The following RP2 variants were observed in gnomAD, a reference collection of about 807,000 sequenced individuals.
The protein encoded by RP2 is protein XRP2.
In RP2, 3 loss-of-function variants were observed where a neutral mutation model predicts 20.3. The observed-to-expected ratio is 0.15, with a 90% CI of 0.07 to 0.38. The LOEUF is 0.38. Among genes scored for constraint, RP2 ranks in the 10% least tolerant of loss-of-function variants. The pLI, the probability that RP2 is intolerant of heterozygous loss-of-function variation, is 1.00. For synonymous variants in RP2, 75 were observed against 94.8 expected (o/e 0.79, Z 1.22); for missense variants, 233 against 268.5 (o/e 0.87, Z 0.92).
intron 3 of RP2, among the ~76,000 whole-genome samples, chrX:46,876,522 A>T (rs1276016769): frequency 8.9e-6 from 1 of 111,761 alleles, no homozygotes; most frequent in Admixed American, 9.6e-5. Flanking sequence ...TTAATATATA[A>T]GGGATTTGAG....
rs191307889 is a variant in RP2 at position 46,865,860 on chromosome X, G to A, written c.883+5758G>A. ...GGAGAATCACTTGAACCTGGGAGGC[G>A]GAGATTGCAGTGAGCCAAGATTGCC... On this transcript the variant is annotated intron_variant, in intron 3 of 4. Coordinates refer to ENST00000218340, the MANE Select transcript of RP2 (RefSeq NM_006915.3). 4.7e-3 allele frequency among the ~76,000 whole-genome samples: 512 copies of A among 110,007 alleles called. 2 individuals carry two copies. Among genetic ancestry groups the A allele is most frequent in the Middle Eastern group, 0.033 (7 of 214 alleles).
intron 1 of RP2, among the ~76,000 whole-genome samples, chrX:46,849,284 A>G (rs1446639738): frequency 9.1e-6 from 1 of 109,481 alleles, no homozygotes; most frequent in Non-Finnish European, 1.9e-5. Flanking sequence ...TTGAACTCCC[A>G]GGCACAAGCA....
rs782770512 is a variant in RP2, at chrX:46,873,114, G to T, written c.884-4391G>T. Among the ~76,000 whole-genome samples, 6 of 111,530 alleles carry T rather than the reference G, an allele frequency of 5.4e-5. No individual in the cohort carries two copies. In the South Asian group the frequency reaches 2.3e-3, roughly 42 times the overall value. On this transcript the variant is annotated intron_variant, in intron 3 of 4. Coordinates refer to ENST00000218340, the MANE Select transcript of RP2 (RefSeq NM_006915.3). ...CTTTATAGGCAGTTTTAGAGCAGAGGAATGTCATGGTCCTTTTAAAGTGTA... is the reference window on the plus strand; with the variant it reads ...CTTTATAGGCAGTTTTAGAGCAGAGTAATGTCATGGTCCTTTTAAAGTGTA...
At chrX:46,844,686 A>C (rs2147077531) in intron 1 of RP2, among the ~76,000 whole-genome samples, 1 of 111,614 alleles carries the variant, frequency 9.0e-6, no homozygotes, top group South Asian at 3.8e-4. Flanking sequence ...TCCTTTGGGT[A>C]TATACCCAGT....
chrX:46,843,152 C>T (rs1454507573), intron 1 of RP2, among the ~76,000 whole-genome samples: 8 of 109,661 alleles, frequency 7.3e-5, no homozygotes, highest in Non-Finnish European at 1.1e-4. Context: ...AGATTACAGG[C>T]GCCCGCCGCC....
At chrX:46,847,767 T>TAC (rs781898428) in intron 1 of RP2, among the ~76,000 whole-genome samples, 2 of 68,515 alleles carry the variant, frequency 2.9e-5, no homozygotes, top group Non-Finnish European at 5.1e-5. Flanking sequence ...TATACACACA[T>TAC]GTGTGTGTGT....
rs140586570 is a variant in RP2, at chrX:46,849,161, C to T, written c.103-4315C>T. On this transcript the variant is annotated intron_variant, in intron 1 of 4. Transcript: ENST00000218340. ...TCAGAACTAGTAACCTGCAAAATTA[C>T]GAAGGATTTCAGTTTCAGTTGTTTA... Among the ~76,000 whole-genome samples, 67 of 110,586 alleles carry T rather than the reference C, an allele frequency of 6.1e-4. No homozygotes were observed. In the East Asian group the frequency reaches 0.016, roughly 27 times the overall value.
intron 3 of RP2, among the ~76,000 whole-genome samples, chrX:46,873,808 T>C (rs1410785858): frequency 1.8e-5 from 2 of 111,158 alleles, no homozygotes; most frequent in Non-Finnish European, 3.8e-5. Context: ...GAGCCTCACC[T>C]GGCTGCTATA....
chrX:46,879,646 T>C (rs782496927), intron 4 of RP2, 40 bp from the exon 5 acceptor site: 1 of 934,509 alleles, frequency 1.1e-6, no homozygotes, highest in African/African-American at 2.0e-5. Flanking sequence ...TCTGAAGTAC[T>C]TGGTACTGAT....
intron 1 of RP2, among the ~76,000 whole-genome samples, chrX:46,846,679 G>A (rs1924720388): frequency 9.0e-6 from 1 of 111,719 alleles, no homozygotes; most frequent in South Asian, 3.7e-4. Context: ...CAGTATATGA[G>A]AGATACAGTT....
chrX:46,858,886 G>A (rs1258415003), intron 2 of RP2, among the ~76,000 whole-genome samples: 4 of 111,631 alleles, frequency 3.6e-5, no homozygotes, highest in African/African-American at 1.3e-4. Flanking sequence ...ATACATAATT[G>A]TACCATACCT....
chrX:46,855,032 C>G lies in RP2; in HGVS notation c.768+891C>G, dbSNP rs781897541. Among the ~76,000 whole-genome samples the G allele has an allele frequency of 5.4e-5, 6 of 111,754 alleles. No individual in the cohort carries two copies. The East Asian group carries it at 1.7e-3, about 31-fold the overall frequency. On this transcript the variant is annotated intron_variant, in intron 2 of 4. Coordinates refer to ENST00000218340, the MANE Select transcript of RP2 (RefSeq NM_006915.3). ...CCACCTGCCTAAGCCTCCCAAAGTG[C>G]TGGGATTACAGGCATGAGCCACTGC... is the stretch of plus-strand genomic sequence containing the variant.
At chrX:46,858,403 A>G (rs1333362741) in intron 2 of RP2, among the ~76,000 whole-genome samples, 1 of 111,838 alleles carries the variant, frequency 8.9e-6, no homozygotes, top group Admixed American at 9.6e-5. Flanking sequence ...TGTGTTGAGA[A>G]TATATGTTAC....
chrX:46,871,153 C>T (rs782264936), intron 3 of RP2, among the ~76,000 whole-genome samples: 1 of 106,517 alleles, frequency 9.4e-6, no homozygotes, highest in Non-Finnish European at 1.9e-5. Context: ...TCCCGAGTAG[C>T]TGGGATTACA....
intron 1 of RP2, among the ~76,000 whole-genome samples, chrX:46,844,675 A>C (rs1208987823): frequency 9.0e-6 from 1 of 111,372 alleles, no homozygotes; most frequent in Non-Finnish European, 1.9e-5. Flanking sequence ...ATGATTTATA[A>C]TCCTTTGGGT....
At chrX:46,851,983 C>T (rs182900040) in intron 1 of RP2, among the ~76,000 whole-genome samples, 221 of 111,328 alleles carry the variant, frequency 2.0e-3, no homozygotes, top group African/African-American at 6.9e-3. Flanking sequence ...AGGAGAGAGC[C>T]GAGTTCATGC....
In RP2 at chrX:46,846,072, T is replaced by TC. The variant is rs782427226; in HGVS notation, c.103-7402dup. Reference sequence around the variant, plus strand: ...TGAACCACCACACCCAGCCGGGAGTTCCTTTTTAATTGCTGAGTGGTATTC... The same window carrying TC: ...TGAACCACCACACCCAGCCGGGAGTTCCCTTTTTAATTGCTGAGTGGTATTC... On this transcript the variant is annotated intron_variant, in intron 1 of 4. Transcript: ENST00000218340. Among the ~76,000 whole-genome samples the TC allele has an allele frequency of 4.5e-5, 5 of 111,825 alleles. No homozygotes were observed. In the East Asian group the frequency reaches 1.4e-3, roughly 31 times the overall value.
intron 3 of RP2, among the ~76,000 whole-genome samples, chrX:46,871,571 G>A (rs1925291516): frequency 1.8e-5 from 2 of 112,284 alleles, no homozygotes; most frequent in African/African-American, 6.5e-5. Flanking sequence ...ACATTTGTAT[G>A]ATTTCTGTTT....
chrX:46,853,909 C>T lies in RP2; in HGVS notation c.536C>T (p.Pro179Leu). 3 of 1,211,447 alleles carry T rather than the reference C, an allele frequency of 2.5e-6. No homozygotes were observed. The highest frequency in any genetic ancestry group is 3.4e-6 in the Non-Finnish European group (3 of 895,264). The part of the protein sequence containing the change: ...NTWSNIHDFT[P>L]VSGELNWSLL... The stretch of plus-strand genomic sequence containing the variant: ...TGGAGTAACATTCATGACTTTACAC[C>T]TGTGTCAGGAGAACTCAACTGGAGC... The change falls in exon 2 of 5, where the codon CCT (proline) becomes CTT (leucine). Residue 179 changes from proline (P) to leucine (L), a missense_variant. Transcript: ENST00000218340.
Sources: gnomAD v4.1 joint callset for allele counts (sites outside exome capture counted in the v4.1 genomes callset) on GRCh38, gnomAD v4.1.1 for gene constraint, MANE v1.5 for transcripts, NCBI Gene and HGNC (gene_info 2026-07-23, HGNC 2026-07-21) for gene names.